BCKDHB: variants seen among roughly 807,000 people sequenced by gnomAD.
The protein encoded by BCKDHB is branched chain keto acid dehydrogenase E1 subunit beta, also known as 2-oxoisovalerate dehydrogenase subunit beta, mitochondrial.
Under a neutral mutation model 48.5 loss-of-function variants are expected in BCKDHB, and 41 were observed. The observed-to-expected ratio is 0.85, with a 90% CI of 0.66 to 1.10. The LOEUF is 1.10. Among genes scored for constraint, BCKDHB ranks in the 50% least tolerant of loss-of-function variants. BCKDHB has a pLI of 0.00. For synonymous variants in BCKDHB, 201 were observed against 174.8 expected, an observed-to-expected ratio of 1.15 and a Z score of -1.18; for missense variants, 496 against 494.2, an observed-to-expected ratio of 1.00 and a Z score of -0.03.
the BCKDHB span, among the ~76,000 whole-genome samples, chr6:80,425,823 G>C: frequency 6.6e-6 from 1 of 152,154 alleles, no homozygotes; most frequent in Non-Finnish European, 1.5e-5. Flanking sequence ...AAAAATAAAT[G>C]AGACAAATGT....
chr6:80,227,365 A>G (rs1408214798), intron 8 of BCKDHB, among the ~76,000 whole-genome samples: 2 of 152,144 alleles, frequency 1.3e-5, no homozygotes, highest in Non-Finnish European at 2.9e-5. Flanking sequence ...CAGTTGATTC[A>G]TGTGGACCCT....
At chr6:80,294,298 C>CT (rs1767104487) in intron 9 of BCKDHB, among the ~76,000 whole-genome samples, 1 of 152,160 alleles carries the variant, frequency 6.6e-6, no homozygotes, top group Admixed American at 6.5e-5. Flanking sequence ...TCTTCATAAG[C>CT]TGAGGATATA....
At chr6:80,264,233 C>T (rs1777420830) in intron 8 of BCKDHB, among the ~76,000 whole-genome samples, 2 of 152,118 alleles carry the variant, frequency 1.3e-5, no homozygotes, top group Non-Finnish European at 2.9e-5. Context: ...TGAGTTAACT[C>T]GTCTTTGCTT....
intron 6 of BCKDHB, among the ~76,000 whole-genome samples, chr6:80,175,830 A>G (rs1459803421): frequency 6.6e-6 from 1 of 152,248 alleles, no homozygotes; most frequent in African/African-American, 2.4e-5. Flanking sequence ...GACCATTTGC[A>G]GCTGTAAAAA....
chr6:80,248,232 G>T (rs1316106049), intron 8 of BCKDHB, among the ~76,000 whole-genome samples: 1 of 152,098 alleles, frequency 6.6e-6, no homozygotes, highest in Non-Finnish European at 1.5e-5. Context: ...GTCATCTGTT[G>T]TCTTAGCATC....
intron 8 of BCKDHB, among the ~76,000 whole-genome samples, chr6:80,242,003 C>CTTGTGT (rs1207523344): frequency 6.6e-6 from 1 of 152,060 alleles, no homozygotes; most frequent in Non-Finnish European, 1.5e-5. Context: ...CAGTCTGTGG[C>CTTGTGT]TTGTGTTTTC....
chr6:80,388,817 A>T, the BCKDHB span, among the ~76,000 whole-genome samples: 1 of 152,334 alleles, frequency 6.6e-6, no homozygotes, highest in East Asian at 1.9e-4. Flanking sequence ...CAGCTGCAGC[A>T]CTACAGCCCC....
At position 80,161,541 on chromosome 6, in the gene BCKDHB, AGT is replaced by A. The variant is rs1439471408; in HGVS notation, c.344-6136_344-6135del. Among the ~76,000 whole-genome samples, 5 of 152,256 alleles carry A rather than the reference AGT, an allele frequency of 3.3e-5. No homozygotes were observed. In the East Asian group the frequency reaches 9.7e-4, roughly 29 times the overall value. ...TTAAATGCTGTCAGTGTGCCGGGTA[AGT>A]AAGTGCTAAGCACTGACACTCCCCC... On this transcript the variant is annotated intron_variant, in intron 3 of 9. Coordinates refer to ENST00000320393, the MANE Select transcript of BCKDHB (RefSeq NM_183050.4).
At chr6:80,334,630 T>G (rs1008346353) in intron 9 of BCKDHB, among the ~76,000 whole-genome samples, 7 of 67,006 alleles carry the variant, frequency 1.0e-4, no homozygotes, top group Admixed American at 3.9e-4. Flanking sequence ...CACCCAAGAT[T>G]AACTGTTAAA....
At chr6:80,429,270 T>C in the BCKDHB span, among the ~76,000 whole-genome samples, 4 of 152,344 alleles carry the variant, frequency 2.6e-5, no homozygotes, top group Admixed American at 6.5e-5. Context: ...TTTTTGTTAC[T>C]GTAGACTTGT....
chr6:80,195,760 C>T (rs1403472645), intron 6 of BCKDHB, among the ~76,000 whole-genome samples: 1 of 152,120 alleles, frequency 6.6e-6, no homozygotes, highest in Non-Finnish European at 1.5e-5. Flanking sequence ...AGAGACAAAG[C>T]CAGAATTGGG....
At chr6:80,232,846 T>C (rs972944457) in intron 8 of BCKDHB, among the ~76,000 whole-genome samples, 3 of 151,800 alleles carry the variant, frequency 2.0e-5, no homozygotes, top group Middle Eastern at 3.4e-3. Context: ...GGCAAGCATA[T>C]TAAAAAAATA....
intron 8 of BCKDHB, among the ~76,000 whole-genome samples, chr6:80,254,426 T>A (rs1348526095): frequency 6.6e-6 from 1 of 152,126 alleles, no homozygotes; most frequent in Non-Finnish European, 1.5e-5. Context: ...CTGGGTGCGA[T>A]GGCTCATGCC....
chr6:80,351,342 G>A, the BCKDHB span, among the ~76,000 whole-genome samples: 8 of 151,976 alleles, frequency 5.3e-5, no homozygotes, highest in African/African-American at 1.2e-4. Flanking sequence ...AGACAAAGTA[G>A]AATACTCATT....
At chr6:80,144,021 A>G (rs1310938548) in intron 3 of BCKDHB, among the ~76,000 whole-genome samples, 1 of 152,094 alleles carries the variant, frequency 6.6e-6, no homozygotes, top group Non-Finnish European at 1.5e-5. Flanking sequence ...AAACACACAA[A>G]CCTAGTAGTA....
intron 8 of BCKDHB, among the ~76,000 whole-genome samples, chr6:80,219,913 T>C (rs1775337240): frequency 1.3e-5 from 2 of 152,170 alleles, no homozygotes; most frequent in Non-Finnish European, 2.9e-5. Context: ...ATACATGATC[T>C]CTCTGTGTGT....
chr6:80,125,987 T>G (rs1245357265), intron 1 of BCKDHB, among the ~76,000 whole-genome samples: 1 of 152,178 alleles, frequency 6.6e-6, no homozygotes, highest in Non-Finnish European at 1.5e-5. Context: ...TGAAGCACAG[T>G]AAGACAAAGT....
At chr6:80,204,428 G>A (rs887469755) in intron 8 of BCKDHB, among the ~76,000 whole-genome samples, 8 of 151,956 alleles carry the variant, frequency 5.3e-5, no homozygotes, top group African/African-American at 1.9e-4. Context: ...CTTTTTGCAG[G>A]CATTTTCAAA....
intron 3 of BCKDHB, among the ~76,000 whole-genome samples, chr6:80,146,111 A>G (rs1771474072): frequency 6.6e-6 from 1 of 152,072 alleles, no homozygotes; most frequent in African/African-American, 2.4e-5. Context: ...AGAGATTAGG[A>G]GTTACTGGTA....
Sources: gnomAD v4.1 joint callset for allele counts (sites outside exome capture counted in the v4.1 genomes callset) on GRCh38, gnomAD v4.1.1 for gene constraint, MANE v1.5 for transcripts, NCBI Gene and HGNC (gene_info 2026-07-23, HGNC 2026-07-21) for gene names.